The following UNC13B variants were observed in gnomAD, a reference collection of about 807,000 sequenced individuals.
The protein encoded by UNC13B is protein unc-13 homolog B.
In UNC13B, 144 loss-of-function variants were observed where a neutral mutation model predicts 211.0. The observed-to-expected ratio is 0.68, with a 90% CI of 0.60 to 0.78. UNC13B has a LOEUF of 0.78. Ranked by LOEUF, UNC13B falls within the 30% of genes least tolerant of loss-of-function variation. UNC13B has a pLI of 0.00. For synonymous variants in UNC13B, 709 were observed against 725.8 expected, an observed-to-expected ratio of 0.98 and a Z score of 0.37; for missense variants, 1,777 against 2,002.0, an observed-to-expected ratio of 0.89 and a Z score of 2.14.
At chr9:35,370,690 T>A (rs935814074) in intron 13 of UNC13B, among the ~76,000 whole-genome samples, 1 of 152,242 alleles carries the variant, frequency 6.6e-6, no homozygotes, top group African/African-American at 2.4e-5. Flanking sequence ...CTTATAGGTA[T>A]CTCTACAGCC....
At chr9:35,255,468 G>A (rs1464988768) in intron 6 of UNC13B, among the ~76,000 whole-genome samples, 1 of 152,090 alleles carries the variant, frequency 6.6e-6, no homozygotes, top group African/African-American at 2.4e-5. Flanking sequence ...CTGTGCAGGA[G>A]ACTGCAGTTT....
At chr9:35,396,733 G>A (rs1835906030) in intron 27 of UNC13B, 108 bp from the exon 28 acceptor site, 3 of 1,599,592 alleles carry the variant, frequency 1.9e-6, no homozygotes, top group Non-Finnish European at 2.6e-6. Flanking sequence ...AAAGAAAAGT[G>A]TTAAACTGTG....
chr9:35,192,520 A>G (rs566158907), intron 1 of UNC13B, among the ~76,000 whole-genome samples: 1 of 152,314 alleles, frequency 6.6e-6, no homozygotes, highest in African/African-American at 2.4e-5. Flanking sequence ...TATCAGGGTC[A>G]TTGGAGAATT....
chr9:35,323,421 C>G (rs772997446), intron 11 of UNC13B, among the ~76,000 whole-genome samples: 1 of 152,120 alleles, frequency 6.6e-6, no homozygotes, highest in Non-Finnish European at 1.5e-5. Context: ...AAATCCTGTA[C>G]ATAAGCCTGA....
chr9:35,279,242 GTC>G (rs548080535), intron 7 of UNC13B, among the ~76,000 whole-genome samples: 4 of 152,054 alleles, frequency 2.6e-5, no homozygotes, highest in Non-Finnish European at 5.9e-5. Flanking sequence ...TCTACTTTCT[GTC>G]TCTATGGATT....
intron 1 of UNC13B, among the ~76,000 whole-genome samples, chr9:35,194,298 A>G (rs1051938383): frequency 1.3e-5 from 2 of 152,234 alleles, no homozygotes; most frequent in African/African-American, 4.8e-5. Context: ...GAGATATGAC[A>G]GTCGCAGACA....
intron 11 of UNC13B, among the ~76,000 whole-genome samples, chr9:35,338,703 T>C (rs1831807463): frequency 6.6e-6 from 1 of 152,218 alleles, no homozygotes; most frequent in South Asian, 2.1e-4. Context: ...TTGCATGATA[T>C]AGATATTGGC....
chr9:35,266,955 C>A (rs1424211475), intron 7 of UNC13B, among the ~76,000 whole-genome samples: 1 of 152,162 alleles, frequency 6.6e-6, no homozygotes, highest in African/African-American at 2.4e-5. Flanking sequence ...GGAGAGTATG[C>A]AAAGTGTTCT....
chr9:35,364,118 C>T (rs771751468), intron 11 of UNC13B, among the ~76,000 whole-genome samples: 3 of 151,708 alleles, frequency 2.0e-5, no homozygotes, highest in Non-Finnish European at 4.4e-5. Flanking sequence ...TATACCAGAT[C>T]TAGAATAAGC....
chr9:35,354,535 A>G (rs1001761705), intron 11 of UNC13B, among the ~76,000 whole-genome samples: 1 of 152,164 alleles, frequency 6.6e-6, no homozygotes, highest in Non-Finnish European at 1.5e-5. Flanking sequence ...AAGCTGGCAA[A>G]TGGAATGTTT....
At chr9:35,340,507 C>T (rs1458296930) in intron 11 of UNC13B, among the ~76,000 whole-genome samples, 2 of 152,144 alleles carry the variant, frequency 1.3e-5, no homozygotes, top group Admixed American at 6.5e-5. Flanking sequence ...AATGGCAGAT[C>T]CTAGGATGGT....
chr9:35,370,000 C>G (rs1053692138), intron 12 of UNC13B, among the ~76,000 whole-genome samples: 3 of 152,186 alleles, frequency 2.0e-5, no homozygotes, highest in Non-Finnish European at 2.9e-5. Context: ...GTGCCAATTC[C>G]TACCTTGCCT....
chr9:35,396,593 A>G lies in UNC13B; in HGVS notation c.11426A>G (p.Glu3809Gly). ...CCTGTCCTCCAGGGGCAGGTGCCTG[A>G]GTACCCAGCGTGAGTCATCATGTGG... ...DLPVLQGQVPEYPAWFEQFVL... is the reference protein window; with the variant it reads ...DLPVLQGQVPGYPAWFEQFVL... Residue 3809 changes from glutamate to glycine, a missense_variant, in exon 27 of 40, where the codon GAG becomes GGG. Physicochemically the swap from Glu to Gly is moderately conservative, Grantham distance 98. Coordinates refer to ENST00000635942, the MANE Select transcript of UNC13B (RefSeq NM_001371189.2). The G allele has an allele frequency of 6.2e-7, 1 of 1,613,932 alleles. No homozygotes were observed. The highest frequency in any genetic ancestry group is 8.5e-7 in the Non-Finnish European group (1 of 1,179,992).
intron 21 of UNC13B, among the ~76,000 whole-genome samples, chr9:35,383,218 C>T (rs543560887): frequency 1.9e-4 from 29 of 152,330 alleles, no homozygotes; most frequent in African/African-American, 7.0e-4. Flanking sequence ...TGCCAGTGTG[C>T]ACTTGAACCT....
intron 7 of UNC13B, among the ~76,000 whole-genome samples, chr9:35,289,460 T>C (rs533556175): frequency 1.4e-3 from 206 of 152,276 alleles, no homozygotes; most frequent in African/African-American, 4.7e-3. Flanking sequence ...AGCAAAAACC[T>C]GGTAACGTGA....
intron 6 of UNC13B, 146 bp downstream of exon 6, chr9:35,243,510 T>C: frequency 1.3e-6 from 1 of 756,342 alleles, no homozygotes; most frequent in South Asian, 1.8e-5. Flanking sequence ...AGCTAGAAGA[T>C]TGCCTGAAAT....
At chr9:35,396,367 T>C in intron 26 of UNC13B, 109 bp from the exon 27 acceptor site, 1 of 1,426,968 alleles carries the variant, frequency 7.0e-7, no homozygotes, top group Non-Finnish European at 9.6e-7. Flanking sequence ...GTCACCCTTG[T>C]CCTAAGACAT....
Position 35,252,691 on chromosome 9 carries a change from G to C in UNC13B, c.469-6302G>C, listed in dbSNP as rs12002562. Among the ~76,000 whole-genome samples, 930 of 152,098 alleles carry C rather than the reference G, an allele frequency of 6.1e-3. 9 individuals are homozygous for C. Among genetic ancestry groups the C allele is most frequent in the African/African-American group, 0.021 (858 of 41,528 alleles). Reference sequence around the variant, plus strand: ...AATTTTCTCAATCCCAGCACTTTGGGAGGCCGAGACGGGCGGATCACGAGG... The same window carrying C: ...AATTTTCTCAATCCCAGCACTTTGGCAGGCCGAGACGGGCGGATCACGAGG... On this transcript the variant is annotated intron_variant, in intron 6 of 39. Transcript: ENST00000635942.
chr9:35,281,191 A>G (rs2031666), intron 7 of UNC13B, among the ~76,000 whole-genome samples: 142,090 of 149,202 alleles, frequency 0.95, 68,026 homozygotes, highest in Non-Finnish European at 1. Context: ...CGGAGGTTGC[A>G]GTGAGCCGAG....
Sources: allele counts gnomAD v4.1 joint callset (sites outside exome capture counted in the v4.1 genomes callset), GRCh38; gene constraint gnomAD v4.1.1; transcripts MANE v1.5; gene names NCBI Gene and HGNC (gene_info 2026-07-23, HGNC 2026-07-21).